NEXN: variants seen among roughly 807,000 people sequenced by gnomAD.
The protein encoded by NEXN is nexilin F-actin binding protein, also known as nexilin.
In NEXN, 65 loss-of-function variants were observed where a neutral mutation model predicts 92.6. The observed-to-expected ratio is 0.70, with a 90% CI of 0.57 to 0.86. NEXN has a LOEUF of 0.86. NEXN is among the 40% of genes least tolerant of loss of function. The pLI is 0.00. For synonymous variants in NEXN, 254 were observed against 242.5 expected (o/e 1.05, Z -0.44); for missense variants, 778 against 771.1 (o/e 1.01, Z -0.11).
intron 1 of NEXN, among the ~76,000 whole-genome samples, chr1:77,897,638 T>C (rs1481189218): frequency 2.6e-5 from 4 of 152,012 alleles, no homozygotes; most frequent in Non-Finnish European, 5.9e-5. Flanking sequence ...CTATTCAACA[T>C]AGTGTTGGAA....
chr1:77,894,759 A>T (rs1241341063), intron 1 of NEXN, among the ~76,000 whole-genome samples: 1 of 151,956 alleles, frequency 6.6e-6, no homozygotes, highest in African/African-American at 2.4e-5. Flanking sequence ...TCTGTAGCCC[A>T]GGCTGGAGTG....
intron 5 of NEXN, among the ~76,000 whole-genome samples, chr1:77,922,835 T>C (rs1251154201): frequency 1.3e-5 from 2 of 151,780 alleles, no homozygotes; most frequent in African/African-American, 4.8e-5. Flanking sequence ...GATCTCGTGA[T>C]CCGCCCGCCT....
At position 77,936,466 on chromosome 1, in the gene NEXN, TTTAG is replaced by T. The variant is rs368879667; in HGVS notation, c.1473+425_1473+428del. On this transcript the variant is annotated intron_variant, in intron 11 of 12. Transcript: ENST00000334785. ...AAATAATATATTTTTTGGCATATGT[TTTAG>T]TTGAGTCAGTAGAACCAGTGTATAT... 2.5e-3 allele frequency among the ~76,000 whole-genome samples: 378 copies of T among 152,304 alleles called. 2 individuals carry two copies. Among genetic ancestry groups the T allele is most frequent in the African/African-American group, 8.8e-3 (367 of 41,568 alleles).
chr1:77,912,185 A>G (rs1213466045), intron 1 of NEXN, among the ~76,000 whole-genome samples: 1 of 152,196 alleles, frequency 6.6e-6, no homozygotes, highest in Non-Finnish European at 1.5e-5. Context: ...AAATCTAAAA[A>G]ACAACACCAT....
intron 1 of NEXN, 41 bp downstream of exon 1, chr1:77,888,800 A>G (rs1218602922): frequency 6.6e-6 from 1 of 152,222 alleles, no homozygotes; most frequent in African/African-American, 2.4e-5. Context: ...GGGAGTGGAG[A>G]CGGAGGTGTC....
At chr1:77,898,949 C>T (rs1192632399) in intron 1 of NEXN, among the ~76,000 whole-genome samples, 1 of 152,112 alleles carries the variant, frequency 6.6e-6, no homozygotes, top group Non-Finnish European at 1.5e-5. Context: ...AAATCAAAAC[C>T]ACAATGAGAT....
intron 1 of NEXN, among the ~76,000 whole-genome samples, chr1:77,904,242 C>T (rs1360704798): frequency 1.3e-5 from 2 of 152,148 alleles, no homozygotes; most frequent in African/African-American, 4.8e-5. Flanking sequence ...ATCCGCCCGC[C>T]TTAGCCTCCC....
chr1:77,900,568 T>C (rs1413188045), intron 1 of NEXN, among the ~76,000 whole-genome samples: 2 of 152,154 alleles, frequency 1.3e-5, no homozygotes, highest in Non-Finnish European at 2.9e-5. Flanking sequence ...TCTGTCAAAT[T>C]TGAAAAAATG....
intron 10 of NEXN, among the ~76,000 whole-genome samples, chr1:77,935,277 A>G (rs1650656610): frequency 6.6e-6 from 1 of 152,170 alleles, no homozygotes; most frequent in African/African-American, 2.4e-5. Context: ...ACCTCAGGTG[A>G]TCTGCCTACC....
rs1432230899 is a variant in NEXN, at chr1:77,934,917, G to T, written c.1252-906G>T. ...ATTAAGAGTGATGTTTACTTTGTAAGACTACCATAAAATCAAAAGTAGGAA... is the reference window on the plus strand; with the variant it reads ...ATTAAGAGTGATGTTTACTTTGTAATACTACCATAAAATCAAAAGTAGGAA... On this transcript the variant is annotated intron_variant, in intron 10 of 12. Coordinates refer to ENST00000334785, the MANE Select transcript of NEXN (RefSeq NM_144573.4). Among the ~76,000 whole-genome samples, 6 of 152,328 alleles carry T rather than the reference G, an allele frequency of 3.9e-5. No homozygotes were observed. The East Asian group carries it at 9.6e-4, about 24-fold the overall frequency.
At chr1:77,933,546 T>C (rs1650481891) in intron 10 of NEXN, 67 bp downstream of exon 10, 2 of 1,126,858 alleles carry the variant, frequency 1.8e-6, no homozygotes, top group African/African-American at 3.1e-5. Flanking sequence ...TATATCACCT[T>C]ATAATAACTT....
At chr1:77,934,402 T>G (rs1270993314) in intron 10 of NEXN, among the ~76,000 whole-genome samples, 1 of 152,156 alleles carries the variant, frequency 6.6e-6, no homozygotes, top group Non-Finnish European at 1.5e-5. Flanking sequence ...ACCTGAGCCT[T>G]CCACAGTTCT....
At chr1:77,899,692 A>T (rs1458204249) in intron 1 of NEXN, among the ~76,000 whole-genome samples, 3 of 151,996 alleles carry the variant, frequency 2.0e-5, no homozygotes, top group Non-Finnish European at 4.4e-5. Flanking sequence ...AAAACAAAAA[A>T]CAAACAAAAA....
At chr1:77,902,374 CA>C (rs1647791535) in intron 1 of NEXN, among the ~76,000 whole-genome samples, 2 of 152,082 alleles carry the variant, frequency 1.3e-5, no homozygotes, top group African/African-American at 4.8e-5. Flanking sequence ...ATGACTTCAT[CA>C]AATGAAAGTT....
At chr1:77,936,423 C>CA (rs1650774675) in intron 11 of NEXN, among the ~76,000 whole-genome samples, 1 of 151,946 alleles carries the variant, frequency 6.6e-6, no homozygotes, top group Non-Finnish European at 1.5e-5. Context: ...CCCATCTCTA[C>CA]AAAAAAAGAT....
At chr1:77,903,926 A>G (rs993402052) in intron 1 of NEXN, among the ~76,000 whole-genome samples, 3 of 152,218 alleles carry the variant, frequency 2.0e-5, no homozygotes, top group African/African-American at 7.2e-5. Flanking sequence ...TCCTGTCAAG[A>G]AAGAAAGGAA....
At chr1:77,931,328 G>A (rs1441515887) in intron 9 of NEXN, among the ~76,000 whole-genome samples, 4 of 138,216 alleles carry the variant, frequency 2.9e-5, no homozygotes, top group South Asian at 2.3e-4. Flanking sequence ...CAGGAGAATC[G>A]CATGAACCTG....
intron 9 of NEXN, 48 bp from the exon 10 acceptor site, chr1:77,933,207 CAGTTTCTTCAAGAAATAGTCCCTTTTT>C: frequency 2.1e-6 from 2 of 967,434 alleles, no homozygotes; most frequent in Non-Finnish European, 3.1e-6. Flanking sequence ...AAAGAAATCC[CAGTTTCTTCAAGAAATAGTCCCTTTTT>C]AGTATGTGTA....
chr1:77,901,412 G>A (rs1350535327), intron 1 of NEXN, among the ~76,000 whole-genome samples: 1 of 151,878 alleles, frequency 6.6e-6, no homozygotes, highest in Non-Finnish European at 1.5e-5. Context: ...GTACATATTA[G>A]AATATTTTGT....
Sources: allele counts gnomAD v4.1 joint callset (sites outside exome capture counted in the v4.1 genomes callset), GRCh38; gene constraint gnomAD v4.1.1; transcripts MANE v1.5; gene names NCBI Gene and HGNC (gene_info 2026-07-23, HGNC 2026-07-21).